The following VWA3B variants were observed in gnomAD, a reference collection of about 807,000 sequenced individuals.
VWA3B encodes the protein von Willebrand factor A domain containing 3B.
VWA3B carries 138 observed loss-of-function variants against 158.3 expected under a neutral mutation model. The observed-to-expected ratio is 0.87, with a 90% CI of 0.76 to 1.00. The LOEUF is 1.00. Among genes scored for constraint, VWA3B ranks in the 50% least tolerant of loss-of-function variants. The pLI is 0.00. For synonymous variants in VWA3B, 596 were observed against 587.3 expected, an observed-to-expected ratio of 1.01 and a Z score of -0.21; for missense variants, 1,555 against 1,565.1, an observed-to-expected ratio of 0.99 and a Z score of 0.11.
intron 2 of VWA3B, among the ~76,000 whole-genome samples, chr2:98,110,199 C>G (rs1674033267): frequency 6.6e-6 from 1 of 151,404 alleles, no homozygotes; most frequent in Admixed American, 6.6e-5. Context: ...AGGCTCTGTT[C>G]AGCTTTCTCA....
rs374018722 is a variant in VWA3B, at chr2:98,169,131, C to T, written c.1114+6155C>T. ...AAAGATATGTGCAAAGCCACAAAGA[C>T]GAGGATGACAGCAGATTTCTCACTC... On this transcript the variant is annotated intron_variant, in intron 8 of 27. Coordinates refer to ENST00000477737, the MANE Select transcript of VWA3B (RefSeq NM_144992.5). 1.2e-4 allele frequency among the ~76,000 whole-genome samples: 19 copies of T among 152,248 alleles called. No homozygotes were observed. In the East Asian group the frequency reaches 2.9e-3, roughly 23 times the overall value.
intron 2 of VWA3B, among the ~76,000 whole-genome samples, chr2:98,109,197 G>T (rs1673937282): frequency 6.6e-6 from 1 of 151,840 alleles, no homozygotes; most frequent in Non-Finnish European, 1.5e-5. Flanking sequence ...TCTCCATGTT[G>T]GTCAGGCTGG....
rs760972745 is a variant in VWA3B at position 98,312,271 on chromosome 2, AC to A, written c.3809del (p.Pro1270LeufsTer18). 5 of 1,613,746 alleles carry A rather than the reference AC, an allele frequency of 3.1e-6. No individual in the cohort carries two copies. The highest frequency in any genetic ancestry group is 1.7e-6 in the Non-Finnish European group (2 of 1,179,984). ...GCCACGCCATCATTGCCACACCTCC[AC>A]CTCGAGCAGCCCTGCCCTGTACTCT... Reference protein sequence around the residue: ...SSHAIIATPPPRAALPCTLQA... With the variant: ...SSHAIIATPPXRAALPCTLQA... On this transcript the variant is annotated frameshift_variant, in exon 28 of 28. Transcript: ENST00000477737. LOFTEE classifies it low-confidence loss of function (END_TRUNC).
intron 21 of VWA3B, among the ~76,000 whole-genome samples, chr2:98,260,514 A>G (rs1687414429): frequency 6.6e-6 from 1 of 151,990 alleles, no homozygotes; most frequent in Non-Finnish European, 1.5e-5. Context: ...TAATCTAGAA[A>G]TGATTTAAAG....
chr2:98,164,991 T>C (rs1055598541), intron 8 of VWA3B, among the ~76,000 whole-genome samples: 1 of 152,226 alleles, frequency 6.6e-6, no homozygotes, highest in African/African-American at 2.4e-5. Context: ...TATCATAATC[T>C]TGATGCTGAG....
chr2:98,291,361 G>A (rs1324671241), intron 23 of VWA3B: 2 of 152,220 alleles, frequency 1.3e-5, no homozygotes, highest in Admixed American at 6.5e-5. Context: ...GTGGAGGTAT[G>A]AAGGGAGTTT....
chr2:98,127,286 C>A (rs548976110), intron 5 of VWA3B, among the ~76,000 whole-genome samples: 42 of 152,136 alleles, frequency 2.8e-4, no homozygotes, highest in Non-Finnish European at 5.4e-4. Flanking sequence ...CATCCTGTTT[C>A]AATGCCATCA....
At chr2:98,203,107 A>C (rs1357370269) in intron 12 of VWA3B, among the ~76,000 whole-genome samples, 1 of 152,238 alleles carries the variant, frequency 6.6e-6, no homozygotes, top group Non-Finnish European at 1.5e-5. Context: ...CTGGGATTAC[A>C]GGCGTGAGCC....
chr2:98,186,145 G>T (rs968978377), intron 9 of VWA3B, among the ~76,000 whole-genome samples: 3 of 141,824 alleles, frequency 2.1e-5, no homozygotes, highest in East Asian at 2.1e-4. Context: ...GATCTAGTTG[G>T]TCACTTCCTT....
intron 2 of VWA3B, among the ~76,000 whole-genome samples, chr2:98,103,623 G>T (rs558064913): frequency 6.6e-6 from 1 of 152,126 alleles, no homozygotes; most frequent in African/African-American, 2.4e-5. Flanking sequence ...TAATTACATT[G>T]AGGTCAGAGA....
In VWA3B at chr2:98,092,382, C is replaced by T. The variant is rs202197273; in HGVS notation, c.-32-679C>T. On this transcript the variant is annotated intron_variant, in intron 1 of 27. Transcript: ENST00000477737. The stretch of plus-strand genomic sequence containing the variant: ...AATTCCAGCTGGGCGCAGTGGCTCA[C>T]GCCTGTAATCCCAACACTTTGGGAG... 9.2e-5 allele frequency among the ~76,000 whole-genome samples: 14 copies of T among 152,344 alleles called. No individual in the cohort carries two copies. The East Asian group carries it at 1.9e-3, about 21-fold the overall frequency.
chr2:98,133,605 G>A, intron 6 of VWA3B: 1 of 516,096 alleles, frequency 1.9e-6, no homozygotes, highest in East Asian at 3.1e-5. Flanking sequence ...AGGATGAGTT[G>A]TCGGTTAAAA....
chr2:98,174,275 T>C (rs1054883984), intron 8 of VWA3B, among the ~76,000 whole-genome samples: 2 of 152,174 alleles, frequency 1.3e-5, no homozygotes, highest in Non-Finnish European at 2.9e-5. Flanking sequence ...ATTCCCCAGC[T>C]CCAGCTCCTC....
chr2:98,170,985 G>A (rs1193976303), intron 8 of VWA3B, among the ~76,000 whole-genome samples: 11 of 152,160 alleles, frequency 7.2e-5, no homozygotes, highest in African/African-American at 1.4e-4. Context: ...TTCAGTTTCC[G>A]TATTTGCAAA....
At chr2:98,111,813 G>GTTTGCAAATATTTTCAATAAATA (rs1254257714) in intron 2 of VWA3B, among the ~76,000 whole-genome samples, 4 of 152,122 alleles carry the variant, frequency 2.6e-5, no homozygotes, top group Admixed American at 1.3e-4. Flanking sequence ...TGGATGCACA[G>GTTTGCAAATATTTTCAATAAATA]TTTGCAAATA....
intron 14 of VWA3B, among the ~76,000 whole-genome samples, chr2:98,219,514 A>G (rs975664302): frequency 6.6e-6 from 1 of 152,238 alleles, no homozygotes; most frequent in Non-Finnish European, 1.5e-5. Context: ...AGTCTAATAA[A>G]CACATAACTG....
intron 13 of VWA3B, among the ~76,000 whole-genome samples, chr2:98,216,055 A>G (rs1683961627): frequency 1.3e-5 from 2 of 152,202 alleles, no homozygotes; most frequent in African/African-American, 4.8e-5. Context: ...TATTATTCCA[A>G]ATATTCAGCA....
intron 5 of VWA3B, among the ~76,000 whole-genome samples, chr2:98,124,679 G>T (rs1675220206): frequency 6.6e-6 from 1 of 152,178 alleles, no homozygotes; most frequent in Non-Finnish European, 1.5e-5. Flanking sequence ...TGCTGTTCTG[G>T]TTGACTTTCT....
At chr2:98,184,164 C>T (rs1680823858) in intron 9 of VWA3B, among the ~76,000 whole-genome samples, 1 of 152,212 alleles carries the variant, frequency 6.6e-6, no homozygotes, top group Admixed American at 6.5e-5. Flanking sequence ...CTGCCTGACA[C>T]AGAACCTGCC....
Sources: allele counts gnomAD v4.1 joint callset (sites outside exome capture counted in the v4.1 genomes callset), GRCh38; gene constraint gnomAD v4.1.1; transcripts MANE v1.5; gene names NCBI Gene and HGNC (gene_info 2026-07-23, HGNC 2026-07-21).